The following IL34 variants were observed in gnomAD, a reference collection of about 807,000 sequenced individuals.
IL34 encodes interleukin 34.
A neutral mutation model predicts 25.3 loss-of-function variants in IL34; 17 were observed. The ratio of observed to expected loss-of-function variants is 0.67; its 90% confidence interval spans 0.46 to 1.01. IL34 has a LOEUF of 1.01. Among genes scored for constraint, IL34 ranks in the 50% least tolerant of loss-of-function variants. The pLI is 0.00. For synonymous variants in IL34, 174 were observed against 140.9 expected, an observed-to-expected ratio of 1.23 and a Z score of -1.66; for missense variants, 368 against 312.9, an observed-to-expected ratio of 1.18 and a Z score of -1.33.
intron 1 of IL34, among the ~76,000 whole-genome samples, chr16:70,597,030 T>A (rs2050833462): frequency 6.6e-6 from 1 of 152,140 alleles, no homozygotes; most frequent in East Asian, 1.9e-4. Context: ...CCTGTTTGTA[T>A]GTGGATCACT....
chr16:70,633,833 G>A (rs2051575135), intron 1 of IL34, among the ~76,000 whole-genome samples: 1 of 151,886 alleles, frequency 6.6e-6, no homozygotes, highest in African/African-American at 2.4e-5. Context: ...CAATCATCAC[G>A]TGGTCTTCTC....
At chr16:70,594,931 A>G (rs993547354) in intron 1 of IL34, among the ~76,000 whole-genome samples, 10 of 147,252 alleles carry the variant, frequency 6.8e-5, no homozygotes, top group African/African-American at 2.4e-4. Flanking sequence ...CTGCATTTCA[A>G]TTTATCTCTC....
upstream of IL34, among the ~76,000 whole-genome samples, chr16:70,641,782 G>A (rs548577320): frequency 8.1e-6 from 1 of 123,510 alleles, no homozygotes; most frequent in South Asian, 3.0e-4. Context: ...GCCCAGGCTG[G>A]TCTTGAACTC....
intron 2 of IL34, among the ~76,000 whole-genome samples, 162 bp downstream of exon 2, chr16:70,654,833 T>G (rs2052174473): frequency 6.6e-6 from 1 of 152,138 alleles, no homozygotes; most frequent in Admixed American, 6.5e-5. Context: ...GCACCTGGTC[T>G]GCACTTACTG....
intron 2 of IL34, among the ~76,000 whole-genome samples, chr16:70,655,994 A>G (rs2052208998): frequency 6.6e-6 from 1 of 152,260 alleles, no homozygotes; most frequent in Non-Finnish European, 1.5e-5. Flanking sequence ...GAGTTGTGCA[A>G]CCATCACCAT....
At chr16:70,595,568 T>G (rs2050810123) in intron 1 of IL34, among the ~76,000 whole-genome samples, 2 of 152,130 alleles carry the variant, frequency 1.3e-5, no homozygotes, top group South Asian at 4.1e-4. Flanking sequence ...TCCTCCCACT[T>G]CAACCTCCCA....
chr16:70,606,564 C>G (rs1407264446), intron 1 of IL34, among the ~76,000 whole-genome samples: 1 of 152,070 alleles, frequency 6.6e-6, no homozygotes, highest in African/African-American at 2.4e-5. Context: ...GATCTGTCTT[C>G]TGTCATTTTA....
At position 70,654,605 on chromosome 16, in the gene IL34, T is replaced by G. The variant is rs747796792; in HGVS notation, c.96T>G (p.Asn32Lys). Residue 32 changes from asparagine (N) to lysine (K), a missense_variant, in exon 2 of 6, where the codon AAT becomes AAG. Asn to Lys is a moderately conservative substitution (Grantham distance 94). Transcript: ENST00000288098. ...EPLEMWPLTQ[N>K]EECTVTGFLR... ...TGGAGATGTGGCCCTTGACGCAGAA[T>G]GAGGAGTGCACTGTCACGGGTTTTC... The G allele has an allele frequency of 6.2e-7, 1 of 1,613,692 alleles. No homozygotes were observed. Among genetic ancestry groups the G allele is most frequent in the Admixed American group, 1.7e-5 (1 of 59,972 alleles).
At chr16:70,620,466 G>A (rs962193970) in intron 1 of IL34, among the ~76,000 whole-genome samples, 18 of 152,006 alleles carry the variant, frequency 1.2e-4, no homozygotes, top group African/African-American at 4.1e-4. Context: ...ATAGGGTGGA[G>A]GAGCGGAGGC....
chr16:70,631,484 T>A (rs1357402436), intron 1 of IL34, among the ~76,000 whole-genome samples: 1 of 152,214 alleles, frequency 6.6e-6, no homozygotes, highest in Admixed American at 6.5e-5. Context: ...AAATGTTTTT[T>A]TAATATGTTA....
chr16:70,586,515 C>A (rs1021172947), intron 1 of IL34, among the ~76,000 whole-genome samples: 1 of 152,156 alleles, frequency 6.6e-6, no homozygotes, highest in African/African-American at 2.4e-5. Context: ...GTGTTCGCGC[C>A]ACTGCACTCC....
chr16:70,633,972 T>C (rs2051579903), intron 1 of IL34, among the ~76,000 whole-genome samples: 1 of 152,012 alleles, frequency 6.6e-6, no homozygotes, highest in Admixed American at 6.6e-5. Context: ...TGCCTCAGCC[T>C]CCGGAGTAGC....
chr16:70,623,029 G>T (rs2051314162), intron 1 of IL34, among the ~76,000 whole-genome samples: 1 of 152,056 alleles, frequency 6.6e-6, no homozygotes, highest in African/African-American at 2.4e-5. Context: ...AGGGATTGAG[G>T]TTTGGGGGAT....
chr16:70,587,485 A>G (rs1177190167), intron 1 of IL34, among the ~76,000 whole-genome samples: 1 of 151,708 alleles, frequency 6.6e-6, no homozygotes, highest in Non-Finnish European at 1.5e-5. Flanking sequence ...TTTAGCCAGG[A>G]TGATCTTGAT....
rs1185320866 is a variant in IL34 at position 70,624,628 on chromosome 16, G to C, written c.-400-21920G>C. Among the ~76,000 whole-genome samples the C allele has an allele frequency of 2.6e-5, 4 of 152,210 alleles. No individual in the cohort carries two copies. The East Asian group carries it at 7.7e-4, about 29-fold the overall frequency. On this transcript the variant is annotated intron_variant, in intron 1 of 6. Transcript: ENST00000429149. ...AGAGCCTAAACGCTATCTGATTTGG[G>C]ATAAAGAAAAAGGAGCATTCACCTT...
At chr16:70,641,785 T>C (rs2051790523), upstream of IL34, among the ~76,000 whole-genome samples, 1 of 109,286 alleles carries the variant, frequency 9.2e-6, no homozygotes, top group Non-Finnish European at 1.8e-5. Context: ...CAGGCTGGTC[T>C]TGAACTCCTG....
intron 1 of IL34, among the ~76,000 whole-genome samples, chr16:70,633,779 C>G (rs1360580637): frequency 6.6e-6 from 1 of 152,084 alleles, no homozygotes; most frequent in South Asian, 2.1e-4. Context: ...TTCTGGTGTA[C>G]AATTCCTGGT....
intron 4 of IL34, 96 bp from the exon 5 acceptor site, chr16:70,659,522 G>C (rs546919435): frequency 1.4e-6 from 2 of 1,431,526 alleles, no homozygotes; most frequent in East Asian, 2.4e-5. Context: ...CCTTCTTCCG[G>C]GGTTTGGGCA....
At chr16:70,643,296 T>C (rs1022800059), upstream of IL34, among the ~76,000 whole-genome samples, 1 of 152,184 alleles carries the variant, frequency 6.6e-6, no homozygotes, top group Non-Finnish European at 1.5e-5. Context: ...ATCCCTGACC[T>C]CAGGTGATCC....
Sources: allele counts gnomAD v4.1 joint callset (sites outside exome capture counted in the v4.1 genomes callset), GRCh38; gene constraint gnomAD v4.1.1; transcripts MANE v1.5; gene names NCBI Gene and HGNC (gene_info 2026-07-23, HGNC 2026-07-21).